SMARCE1: variants seen among roughly 807,000 people sequenced by gnomAD.
SMARCE1 encodes SWI/SNF related BAF chromatin remodeling complex subunit E1.
SMARCE1 carries 13 observed loss-of-function variants against 54.9 expected under a neutral mutation model. The ratio of observed to expected loss-of-function variants is 0.24; its 90% CI spans 0.15 to 0.38. SMARCE1 has a LOEUF of 0.38. Ranked by LOEUF, SMARCE1 falls within the 10% of genes least tolerant of loss-of-function variation. SMARCE1 has a pLI of 1.00. For synonymous variants in SMARCE1, 151 were observed against 175.3 expected (o/e 0.86, Z 1.10); for missense variants, 295 against 523.8 (o/e 0.56, Z 4.26).
At chr17:40,633,166 C>A (rs1221938877) in intron 7 of SMARCE1, 1 of 152,116 alleles carries the variant, frequency 6.6e-6, no homozygotes, top group African/African-American at 2.4e-5. Context: ...CATGACACCA[C>A]GCCCGGCCAA....
chr17:40,643,712 CA>C (rs2037221277), intron 3 of SMARCE1: 1 of 152,118 alleles, frequency 6.6e-6, no homozygotes, highest in South Asian at 2.1e-4. Context: ...GTAGCTGTTA[CA>C]AAATAAACAC....
chr17:40,638,025 A>G (rs1275830756), intron 4 of SMARCE1, among the ~76,000 whole-genome samples: 1 of 152,168 alleles, frequency 6.6e-6, no homozygotes, highest in African/African-American at 2.4e-5. Flanking sequence ...AGCACTAGGA[A>G]TGTACTCCCA....
intron 4 of SMARCE1, chr17:40,641,208 C>G (rs1341510376): frequency 6.6e-6 from 1 of 152,140 alleles, no homozygotes; most frequent in Non-Finnish European, 1.5e-5. Context: ...CCTTGCCATC[C>G]ATTACACTTG....
intron 9 of SMARCE1, chr17:40,631,130 G>C (rs2037090779): frequency 1.8e-6 from 1 of 549,156 alleles, no homozygotes; most frequent in African/African-American, 1.9e-5. Context: ...AGCTCTAGCA[G>C]TTGTATAATA....
chr17:40,632,676 G>A (rs943104394), intron 7 of SMARCE1: 1 of 251,580 alleles, frequency 4.0e-6, no homozygotes, highest in Non-Finnish European at 7.6e-6. Flanking sequence ...TGTGAAGGCT[G>A]TATGTGATGG....
intron 7 of SMARCE1, 103 bp downstream of exon 7, chr17:40,635,828 T>C (rs2037140899): frequency 1.2e-6 from 1 of 854,144 alleles, no homozygotes; most frequent in Admixed American, 3.0e-5. Flanking sequence ...AATTATACTT[T>C]CTTTTCCATT....
Position 40,642,080 on chromosome 17 carries a change from C to G in SMARCE1, c.156+375G>C. 1 of 313,660 alleles carries G rather than the reference C, an allele frequency of 3.2e-6. No individual in the cohort carries two copies. Among genetic ancestry groups the G allele is most frequent in the Non-Finnish European group, 5.8e-6 (1 of 173,794 alleles). The allele number at this position is 313,660 out of a possible 1,614,324, so 19.4% of individuals were successfully genotyped here. A position where few individuals can be genotyped will look rare whatever the true frequency, so the allele number is the denominator to read the frequency against. Reference sequence around the variant, plus strand: ...AAAGCCAGGTCTGAAAGACCAGCCTCTACTAGAAACTCAATCCTTGAGACT... The same window carrying G: ...AAAGCCAGGTCTGAAAGACCAGCCTGTACTAGAAACTCAATCCTTGAGACT... On this transcript the variant is annotated intron_variant, in intron 4 of 10. Transcript: ENST00000348513. The surrounding 1 kb of genome is among the most constrained non-coding windows in gnomAD (Gnocchi z 4.6).
chr17:40,641,147 T>C (rs1368578465), intron 4 of SMARCE1: 1 of 152,242 alleles, frequency 6.6e-6, no homozygotes, highest in African/African-American at 2.4e-5. Context: ...TTAAGATCCA[T>C]GATTGATTCC....
At chr17:40,637,750 C>G in intron 4 of SMARCE1, 178 bp from the exon 5 acceptor site, 1 of 587,256 alleles carries the variant, frequency 1.7e-6, no homozygotes, top group Non-Finnish European at 3.1e-6. Flanking sequence ...ACTTTAAGCA[C>G]ATAATTTTTA....
intron 1 of SMARCE1, chr17:40,647,118 A>G (rs570741173): frequency 4.6e-5 from 7 of 152,212 alleles, no homozygotes; most frequent in Non-Finnish European, 8.8e-5. Context: ...GTGGGCTTGT[A>G]CATTTGTCCA....
At position 40,630,834 on chromosome 17, in the gene SMARCE1, T is replaced by G; in HGVS notation, c.907A>C (p.Arg303=). The part of the protein sequence containing the change: ...EEQARKRQEE[R]EKEAAEQAER... ...GCTTGCTCTGCGGCCTCCTTCTCCC[T>G]TTCCTCCTGCCTTTTGCGGGCCTGT... The change falls in exon 10 of 11, where the codon AGG becomes CGG. Residue 303 remains arginine (R), a synonymous_variant. Coordinates refer to ENST00000348513, the MANE Select transcript of SMARCE1 (RefSeq NM_003079.5). 2 of 1,614,090 alleles carry G rather than the reference T, an allele frequency of 1.2e-6. No homozygotes were observed. The highest frequency in any genetic ancestry group is 1.7e-6 in the Non-Finnish European group (2 of 1,180,006).
chr17:40,632,563 T>C (rs570023895), intron 7 of SMARCE1, 196 bp from the exon 8 acceptor site: 13 of 534,210 alleles, frequency 2.4e-5, no homozygotes, highest in African/African-American at 1.5e-4. Flanking sequence ...TTGGCCAAGG[T>C]AGTAATTTAT....
intron 8 of SMARCE1, chr17:40,631,929 AGATT>A: frequency 1.8e-6 from 1 of 548,778 alleles, no homozygotes; most frequent in Non-Finnish European, 3.2e-6. Flanking sequence ...ATAGCAGTAA[AGATT>A]GATAGGATGC....
rs9914194 is a variant in SMARCE1 at position 40,629,466 on chromosome 17, G to A, written c.1028-473C>T. The A allele has an allele frequency of 8.7e-3, 9,053 of 1,045,154 alleles. 520 individuals are homozygous for A. In the African/African-American group the frequency reaches 0.13, roughly 15 times the overall value. 64.7% of individuals were successfully genotyped at this position (1,045,154 alleles called of 1,614,324 possible). A position where few individuals can be genotyped will look rare whatever the true frequency, so the allele number is the denominator to read the frequency against. On this transcript the variant is annotated intron_variant, in intron 10 of 10. Coordinates refer to ENST00000348513, the MANE Select transcript of SMARCE1 (RefSeq NM_003079.5). The stretch of plus-strand genomic sequence containing the variant: ...TATTTCTGTTGGACAGTGAATGAGA[G>A]TTAGTCTGTAGTGCTATGGATTAAA...
intron 9 of SMARCE1, 134 bp downstream of exon 9, chr17:40,631,453 TCCTAC>T (rs2037094955): frequency 3.5e-6 from 2 of 577,358 alleles, no homozygotes; most frequent in African/African-American, 3.7e-5. Context: ...AAAAAAAGGA[TCCTAC>T]AGGTTTATAA....
At chr17:40,635,759 T>G (rs962047591) in intron 7 of SMARCE1, 172 bp downstream of exon 7, 4 of 436,088 alleles carry the variant, frequency 9.2e-6, no homozygotes, top group Admixed American at 4.3e-5. Context: ...TTCTTTTTCT[T>G]GTGGGAAATT....
chr17:40,631,770 T>C, intron 8 of SMARCE1, 77 bp from the exon 9 acceptor site: 1 of 802,982 alleles, frequency 1.2e-6, no homozygotes, highest in Non-Finnish European at 2.1e-6. Context: ...TACCAAATAA[T>C]GTTTTGAACT....
chr17:40,640,876 A>G (rs1217728797), intron 4 of SMARCE1: 1 of 152,238 alleles, frequency 6.6e-6, no homozygotes, highest in African/African-American at 2.4e-5. Flanking sequence ...AATGGGAAGA[A>G]ACAGATGAGT....
chr17:40,639,769 T>G (rs1021176250), intron 4 of SMARCE1, among the ~76,000 whole-genome samples: 31 of 152,330 alleles, frequency 2.0e-4, no homozygotes, highest in Non-Finnish European at 2.2e-4. Flanking sequence ...TTCTACAATG[T>G]CTTAAACATT....
Sources: allele counts gnomAD v4.1 joint callset (sites outside exome capture counted in the v4.1 genomes callset), GRCh38; gene constraint gnomAD v4.1.1; non-coding constraint Gnocchi (gnomAD v3.1); transcripts MANE v1.5; gene names NCBI Gene and HGNC (gene_info 2026-07-23, HGNC 2026-07-21).